SCAPER: variants seen among roughly 807,000 people sequenced by gnomAD.
The protein encoded by SCAPER is S-phase cyclin A associated protein in the ER, also known as S phase cyclin A-associated protein in the endoplasmic reticulum.
In SCAPER, 98 loss-of-function variants were observed where a neutral mutation model predicts 182.2. The observed-to-expected ratio is 0.54, with a 90% confidence interval of 0.46 to 0.64. The LOEUF (loss-of-function observed/expected upper bound fraction) is 0.64. Among genes scored for constraint, SCAPER ranks in the 30% least tolerant of loss-of-function variants. SCAPER has a pLI of 0.00. For synonymous variants in SCAPER, 605 were observed against 564.6 expected (o/e 1.07, Z -1.01); for missense variants, 1,432 against 1,690.0 (o/e 0.85, Z 2.68).
intron 17 of SCAPER, among the ~76,000 whole-genome samples, chr15:76,726,572 T>G (rs978270476): frequency 6.6e-6 from 1 of 151,890 alleles, no homozygotes; most frequent in African/African-American, 2.4e-5. Context: ...TTATTCACAA[T>G]AGTCAAAAGG....
intron 27 of SCAPER, among the ~76,000 whole-genome samples, chr15:76,397,669 G>A (rs1287682412): frequency 2.6e-5 from 4 of 151,874 alleles, no homozygotes; most frequent in African/African-American, 7.3e-5. Flanking sequence ...TAGTAGAGAC[G>A]GGGTTTCTAC....
At chr15:76,546,796 G>A (rs116600341) in intron 23 of SCAPER, among the ~76,000 whole-genome samples, 213 of 152,174 alleles carry the variant, frequency 1.4e-3, no homozygotes, top group African/African-American at 5.1e-3. Context: ...TATTTGTCTT[G>A]TTTATCATCA....
chr15:76,652,371 C>CACACACACATATATATATAT (rs764864981), intron 21 of SCAPER, among the ~76,000 whole-genome samples: 7 of 8,056 alleles, frequency 8.7e-4, no homozygotes, highest in Admixed American at 2.2e-3. Flanking sequence ...CACACACACA[C>CACACACACATATATATATAT]ATATATATAT....
intron 8 of SCAPER, among the ~76,000 whole-genome samples, chr15:76,782,986 G>A (rs1332751134): frequency 6.6e-6 from 1 of 152,074 alleles, no homozygotes; most frequent in African/African-American, 2.4e-5. Context: ...AGAAGCAAGA[G>A]CAAACACATT....
At chr15:76,852,719 A>C (rs1237211877) in intron 4 of SCAPER, among the ~76,000 whole-genome samples, 1 of 152,202 alleles carries the variant, frequency 6.6e-6, no homozygotes, top group Non-Finnish European at 1.5e-5. Flanking sequence ...ATAGCACTAA[A>C]CACCCACATC....
In SCAPER at chr15:76,381,485, T is replaced by G; in HGVS notation, c.3598A>C (p.Ser1200Arg). The G allele has an allele frequency of 6.2e-7, 1 of 1,613,802 alleles. No homozygotes were observed. The highest frequency in any genetic ancestry group is 8.5e-7 in the Non-Finnish European group (1 of 1,179,854). The change falls in exon 28 of 32, where the codon AGC becomes CGC. Residue 1200 changes from serine (S) to arginine (R), a missense_variant. Coordinates refer to ENST00000563290, the MANE Select transcript of SCAPER (RefSeq NM_020843.4). ...VLFHGTILDP[S>R]TASPKENYTQ... The stretch of plus-strand genomic sequence containing the variant: ...TAATTCTCCTTGGGACTGGCAGTGC[T>G]GGGGTCCAAGATGGTGCCATGGAAG...
At chr15:76,894,067 A>G (rs1321452380) in intron 1 of SCAPER, among the ~76,000 whole-genome samples, 9 of 152,172 alleles carry the variant, frequency 5.9e-5, no homozygotes, top group Non-Finnish European at 4.4e-5. Flanking sequence ...CCTGGCCAAC[A>G]TGGTGAAACC....
At chr15:76,387,728 A>C (rs1321259641) in intron 27 of SCAPER, among the ~76,000 whole-genome samples, 1 of 152,234 alleles carries the variant, frequency 6.6e-6, no homozygotes, top group Admixed American at 6.5e-5. Flanking sequence ...GGAGAAAGTA[A>C]TCAATAACAA....
At chr15:76,429,297 A>G (rs1365616720) in intron 26 of SCAPER, among the ~76,000 whole-genome samples, 3 of 152,110 alleles carry the variant, frequency 2.0e-5, no homozygotes, top group African/African-American at 7.2e-5. Flanking sequence ...GTACCAGTAG[A>G]GTGGGGCTCT....
chr15:76,617,029 T>C (rs1361458695), intron 22 of SCAPER, among the ~76,000 whole-genome samples: 1 of 152,220 alleles, frequency 6.6e-6, no homozygotes, highest in Non-Finnish European at 1.5e-5. Context: ...ATGAATGATC[T>C]TGCTCATATT....
At chr15:76,483,215 C>T (rs2143018357) in intron 24 of SCAPER, among the ~76,000 whole-genome samples, 1 of 150,936 alleles carries the variant, frequency 6.6e-6, no homozygotes, top group East Asian at 1.9e-4. Flanking sequence ...GTCAACTGAC[C>T]TTTGATAAAG....
chr15:76,501,461 A>G (rs1478628220), intron 24 of SCAPER, among the ~76,000 whole-genome samples: 1 of 152,224 alleles, frequency 6.6e-6, no homozygotes, highest in Non-Finnish European at 1.5e-5. Flanking sequence ...AAAAGATATG[A>G]ACAGGATGGT....
At chr15:76,708,957 T>C (rs1489262030) in intron 17 of SCAPER, among the ~76,000 whole-genome samples, 1 of 151,816 alleles carries the variant, frequency 6.6e-6, no homozygotes, top group Non-Finnish European at 1.5e-5. Context: ...TCCCAGCTAC[T>C]TGGCAGGCCA....
chr15:76,869,600 G>C (rs2072547271), intron 2 of SCAPER, among the ~76,000 whole-genome samples: 1 of 152,078 alleles, frequency 6.6e-6, no homozygotes, highest in African/African-American at 2.4e-5. Context: ...AAAAAGACAG[G>C]CAATAACATG....
intron 8 of SCAPER, among the ~76,000 whole-genome samples, chr15:76,783,026 A>G (rs1341352044): frequency 2.0e-5 from 3 of 152,230 alleles, no homozygotes; most frequent in Non-Finnish European, 1.5e-5. Context: ...AGAAATAACT[A>G]AGATCAGAGC....
At chr15:76,848,563 T>C (rs1288057628) in intron 4 of SCAPER, among the ~76,000 whole-genome samples, 1 of 142,946 alleles carries the variant, frequency 7.0e-6, no homozygotes, top group Non-Finnish European at 1.5e-5. Context: ...CTCGATCTCC[T>C]GACCTCGCGA....
chr15:76,497,614 T>C (rs558194673), intron 24 of SCAPER, among the ~76,000 whole-genome samples: 1 of 152,048 alleles, frequency 6.6e-6, no homozygotes, highest in Non-Finnish European at 1.5e-5. Flanking sequence ...TAGATTTTGT[T>C]GCAAACTGAA....
chr15:76,670,488 C>A (rs2056933923), intron 20 of SCAPER, among the ~76,000 whole-genome samples: 1 of 152,022 alleles, frequency 6.6e-6, no homozygotes, highest in Non-Finnish European at 1.5e-5. Flanking sequence ...ACAAAATATT[C>A]CTATAGTTCA....
intron 21 of SCAPER, among the ~76,000 whole-genome samples, chr15:76,636,203 ATTCT>A (rs941413730): frequency 8.5e-5 from 13 of 152,158 alleles, no homozygotes; most frequent in African/African-American, 3.1e-4. Context: ...GCTGAAAAAA[ATTCT>A]TTCAGCACAC....
Sources: allele counts gnomAD v4.1 joint callset (sites outside exome capture counted in the v4.1 genomes callset), GRCh38; gene constraint gnomAD v4.1.1; transcripts MANE v1.5; gene names NCBI Gene and HGNC (gene_info 2026-07-23, HGNC 2026-07-21).